OR1J2: variants seen among roughly 807,000 people sequenced by gnomAD.
OR1J2 encodes the protein olfactory receptor family 1 subfamily J member 2.
For missense variants in OR1J2, 304 were observed against 246.1 expected (o/e 1.24, Z -1.57); for synonymous variants, 142 against 99.7 (o/e 1.42, Z -2.52).
chr9:122,503,243 A>AG, the OR1J2 span, among the ~76,000 whole-genome samples: 1 of 152,224 alleles, frequency 6.6e-6, no homozygotes, highest in African/African-American at 2.4e-5. Flanking sequence ...CCAAAACAAG[A>AG]GTATCTGAAA....
At chr9:122,464,327 A>T in the OR1J2 span, among the ~76,000 whole-genome samples, 1 of 152,212 alleles carries the variant, frequency 6.6e-6, no homozygotes, top group Non-Finnish European at 1.5e-5. Context: ...CGCCAGCAGC[A>T]GCGAGTTTAT....
At chr9:122,475,930 A>C in the OR1J2 span, 1 of 152,198 alleles carries the variant, frequency 6.6e-6, no homozygotes, top group African/African-American at 2.4e-5. Context: ...TCTTTGCTAC[A>C]CTGAGTCACT....
the OR1J2 span, among the ~76,000 whole-genome samples, chr9:122,504,007 C>T: frequency 6.6e-6 from 1 of 152,170 alleles, no homozygotes; most frequent in Non-Finnish European, 1.5e-5. Flanking sequence ...CTCATGAGGC[C>T]ATAGGTAAGG....
chr9:122,525,833 A>G, the OR1J2 span, among the ~76,000 whole-genome samples: 53 of 152,168 alleles, frequency 3.5e-4, no homozygotes, highest in African/African-American at 1.3e-3. Context: ...TGCAGCCTCC[A>G]TCTTTATTTC....
At chr9:122,559,451 T>C in the OR1J2 span, among the ~76,000 whole-genome samples, 1 of 152,162 alleles carries the variant, frequency 6.6e-6, no homozygotes, top group Non-Finnish European at 1.5e-5. Flanking sequence ...TGCTTTCTCT[T>C]GTGGGCATTT....
At chr9:122,483,617 G>T in the OR1J2 span, among the ~76,000 whole-genome samples, 1 of 152,196 alleles carries the variant, frequency 6.6e-6, no homozygotes. Context: ...AAATTTCTTT[G>T]TAGTGGTTAA....
the OR1J2 span, chr9:122,526,232 C>T: frequency 2.1e-6 from 1 of 474,332 alleles, no homozygotes; most frequent in Non-Finnish European, 3.6e-6. Context: ...ATGAGAAAAC[C>T]AAGGCTCAGA....
the OR1J2 span, chr9:122,519,714 A>G: frequency 6.2e-7 from 1 of 1,613,988 alleles, no homozygotes. Flanking sequence ...ATGCTCAGAC[A>G]TCTCCCTCAA....
chr9:122,448,492 T>A, the OR1J2 span, among the ~76,000 whole-genome samples: 6 of 152,112 alleles, frequency 3.9e-5, no homozygotes, highest in Admixed American at 2.6e-4. Flanking sequence ...CTAATCCTCC[T>A]CATCACAGAC....
the OR1J2 span, among the ~76,000 whole-genome samples, chr9:122,550,440 C>T: frequency 6.6e-6 from 1 of 151,972 alleles, no homozygotes; most frequent in African/African-American, 2.4e-5. Context: ...GATAAGGACA[C>T]ACAAAAAAGA....
chr9:122,539,058 G>A, the OR1J2 span, among the ~76,000 whole-genome samples: 3 of 151,824 alleles, frequency 2.0e-5, no homozygotes, highest in Non-Finnish European at 4.4e-5. Flanking sequence ...CCTATCTCTC[G>A]GTCTCTGTGG....
chr9:122,490,201 G>A, the OR1J2 span, among the ~76,000 whole-genome samples: 1 of 152,114 alleles, frequency 6.6e-6, no homozygotes, highest in Non-Finnish European at 1.5e-5. Context: ...CAGGGAGTCT[G>A]GCACATTCAT....
the OR1J2 span, among the ~76,000 whole-genome samples, chr9:122,518,081 C>A: frequency 6.6e-6 from 1 of 152,082 alleles, no homozygotes; most frequent in Non-Finnish European, 1.5e-5. Context: ...GCACTATTCC[C>A]AATAGCAAAG....
the OR1J2 span, chr9:122,526,340 A>G: frequency 7.0e-7 from 1 of 1,429,536 alleles, no homozygotes; most frequent in Non-Finnish European, 9.3e-7. Flanking sequence ...TTTTCATTAA[A>G]TGTTGCTGTC....
chr9:122,482,807 A>C, the OR1J2 span, among the ~76,000 whole-genome samples: 1 of 152,192 alleles, frequency 6.6e-6, no homozygotes, highest in Non-Finnish European at 1.5e-5. Flanking sequence ...AATCTAAATA[A>C]GTTGATCTCA....
the OR1J2 span, among the ~76,000 whole-genome samples, chr9:122,536,463 A>T: frequency 3.9e-5 from 6 of 152,356 alleles, no homozygotes; most frequent in African/African-American, 7.2e-5. Context: ...AAGAGAGGCA[A>T]ACAAATAATA....
chr9:122,449,914 T>G, the OR1J2 span, among the ~76,000 whole-genome samples: 4 of 152,174 alleles, frequency 2.6e-5, no homozygotes, highest in Admixed American at 2.6e-4. Flanking sequence ...AAGATTATAC[T>G]CCATCTGTTA....
chr9:122,483,061 CTTA>C, the OR1J2 span, among the ~76,000 whole-genome samples: 2 of 152,136 alleles, frequency 1.3e-5, no homozygotes, highest in African/African-American at 2.4e-5. Flanking sequence ...GGATATACAA[CTTA>C]TTATACAATG....
the OR1J2 span, among the ~76,000 whole-genome samples, chr9:122,456,479 A>ATTTTC: frequency 6.6e-6 from 1 of 151,992 alleles, no homozygotes; most frequent in African/African-American, 2.4e-5. Context: ...TTATTCTTTA[A>ATTTTC]TTTTCTTTTC....
Sources: allele counts gnomAD v4.1 joint callset (sites outside exome capture counted in the v4.1 genomes callset), GRCh38; gene constraint gnomAD v4.1.1; transcripts MANE v1.5; gene names NCBI Gene and HGNC (gene_info 2026-07-23, HGNC 2026-07-21).